Variants in CLSTN3 observed in about 807,000 individuals in gnomAD.
CLSTN3 encodes the protein calsyntenin-3.
In CLSTN3, 36 loss-of-function variants were observed where a neutral mutation model predicts 95.9. That is an observed-to-expected ratio of 0.38 (90% CI 0.29 to 0.50). CLSTN3 has a LOEUF of 0.50. Among genes scored for constraint, CLSTN3 ranks in the 20% least tolerant of loss-of-function variants. The pLI, the probability that CLSTN3 is intolerant of heterozygous loss-of-function variation, is 0.95. For synonymous variants in CLSTN3, 481 were observed against 504.0 expected, an observed-to-expected ratio of 0.95 and a Z score of 0.61; for missense variants, 1,084 against 1,268.8, an observed-to-expected ratio of 0.85 and a Z score of 2.21.
At chr12:7,155,204 A>G (rs1939794262) in intron 16 of CLSTN3, among the ~76,000 whole-genome samples, 2 of 152,236 alleles carry the variant, frequency 1.3e-5, no homozygotes, top group African/African-American at 4.8e-5. Context: ...TCATGTAGCA[A>G]GAAAAGCTGA....
intron 6 of CLSTN3, 152 bp downstream of exon 6, chr12:7,136,543 G>T: frequency 1.2e-6 from 1 of 855,290 alleles, no homozygotes; most frequent in Non-Finnish European, 1.8e-6. Context: ...GGCCCAAAAG[G>T]CAGGTACATA....
chr12:7,131,059 A>T, intron 1 of CLSTN3: 1 of 439,284 alleles, frequency 2.3e-6, no homozygotes, highest in South Asian at 2.2e-5. Flanking sequence ...CGAGCCGGTG[A>T]TAGGCCTCTC....
chr12:7,149,316 CT>C lies in CLSTN3; in HGVS notation c.2074+119del. 1.0e-6 allele frequency: 1 copy of C among 1,002,864 alleles called. No homozygotes were observed. The highest frequency in any genetic ancestry group is 1.5e-5 in the South Asian group (1 of 64,824). The allele number at this position is 1,002,864 out of a possible 1,614,324, so 62.1% of individuals were successfully genotyped here. On this transcript the variant is annotated intron_variant, in intron 13 of 17. Coordinates refer to ENST00000266546, the MANE Select transcript of CLSTN3 (RefSeq NM_014718.4). This position sits in a 1 kb window ranked among gnomAD's most constrained non-coding sequence, Gnocchi z 4.5. Reference sequence around the variant, plus strand: ...GCGACTCCATCCTGTGTTTGTTTGACTGAACAACTTACCTTTAAGAAGGAGA... The same window carrying C: ...GCGACTCCATCCTGTGTTTGTTTGACGAACAACTTACCTTTAAGAAGGAGA...
chr12:7,150,973 G>A lies in CLSTN3; in HGVS notation c.2437G>A (p.Val813Met), dbSNP rs141912411. ...GAACCGGGTTGCCCACCCCAGCCAC[G>A]TGCTCAGCTCCCAGCAGTTCCTGCA... Reference protein sequence around the residue: ...SMNRVAHPSHVLSSQQFLHRG... With the variant: ...SMNRVAHPSHMLSSQQFLHRG... The change falls in exon 16 of 18, where the codon GTG (valine) becomes ATG (methionine). Residue 813 changes from valine (V) to methionine (M), a missense_variant. Physicochemically the swap from Val to Met is conservative, Grantham distance 21 (BLOSUM62 1). Coordinates refer to ENST00000266546, the MANE Select transcript of CLSTN3 (RefSeq NM_014718.4). This position sits in a 1 kb window ranked among gnomAD's most constrained non-coding sequence, Gnocchi z 4.0. 39 of 1,613,084 alleles carry A rather than the reference G, an allele frequency of 2.4e-5. No individual in the cohort carries two copies. The highest frequency in any genetic ancestry group is 2.9e-5 in the Non-Finnish European group (34 of 1,179,458).
chr12:7,145,112 G>A (rs150522675), intron 12 of CLSTN3, among the ~76,000 whole-genome samples: 38 of 152,282 alleles, frequency 2.5e-4, no homozygotes, highest in African/African-American at 8.4e-4. Flanking sequence ...GAGTTCCTGC[G>A]GGGGGAGGAG....
chr12:7,150,960 C>T lies in CLSTN3; in HGVS notation c.2424C>T (p.Ala808=). 1 of 1,611,130 alleles carries T rather than the reference C, an allele frequency of 6.2e-7. No homozygotes were observed. Among genetic ancestry groups the T allele is most frequent in the Non-Finnish European group, 8.5e-7 (1 of 1,178,160 alleles). The change falls in exon 16 of 18, where the codon GCC becomes GCT. Residue 808 remains alanine (A), a synonymous_variant. Coordinates refer to ENST00000266546, the MANE Select transcript of CLSTN3 (RefSeq NM_014718.4). This position sits in a 1 kb window ranked among gnomAD's most constrained non-coding sequence, Gnocchi z 4.0. ...VNVLHSMNRV[A]HPSHVLSSQQ... ...TCCTGCACAGCATGAACCGGGTTGC[C>T]CACCCCAGCCACGTGCTCAGCTCCC...
At position 7,130,574 on chromosome 12, in the gene CLSTN3, C is replaced by T. The variant is rs1939276727; in HGVS notation, c.-75C>T. The T allele has an allele frequency of 6.5e-7, 1 of 1,549,076 alleles. No individual in the cohort carries two copies. The highest frequency in any genetic ancestry group is 2.0e-5 in the Admixed American group (1 of 50,994). ...CCTTGGAGACCCCCTGTATCCCTCC[C>T]GCAAGGTGGAATCCGCAGGCTGGAG... On this transcript the variant is annotated 5_prime_UTR_variant, in exon 1 of 18. Transcript: ENST00000266546.
At chr12:7,140,733 A>G (rs1207453050) in intron 8 of CLSTN3, among the ~76,000 whole-genome samples, 1 of 152,202 alleles carries the variant, frequency 6.6e-6, no homozygotes, top group Non-Finnish European at 1.5e-5. Context: ...ACATAGTGAT[A>G]GCTCATCTCT....
At position 7,130,470 on chromosome 12, in the gene CLSTN3, T is replaced by C; in HGVS notation, c.-179T>C. The C allele has an allele frequency of 2.7e-6, 4 of 1,492,248 alleles. No individual in the cohort carries two copies. The highest frequency in any genetic ancestry group is 1.4e-5 in the African/African-American group (1 of 71,902). 92.4% of individuals were successfully genotyped at this position (1,492,248 alleles called of 1,614,324 possible). ...AAGTCCACCGCCTCAGCTACCCAGATTGGGATCTGCCCAGGCCCGCTTTAT... is the reference window on the plus strand; with the variant it reads ...AAGTCCACCGCCTCAGCTACCCAGACTGGGATCTGCCCAGGCCCGCTTTAT... On this transcript the variant is annotated 5_prime_UTR_variant, in exon 1 of 18. Transcript: ENST00000266546.
In CLSTN3 at chr12:7,136,835, C is replaced by T. The variant is rs753077527; in HGVS notation, c.935C>T (p.Ala312Val). 8 of 1,613,670 alleles carry T rather than the reference C, an allele frequency of 5.0e-6. No individual in the cohort carries two copies. The highest frequency in any genetic ancestry group is 1.3e-5 in the African/African-American group (1 of 74,938). ...ERALRKLCGAATGEVDLLPMP... is the reference protein window; with the variant it reads ...ERALRKLCGAVTGEVDLLPMP... ...CCTCCTGGGGCTCCCACAGGTGCTG[C>T]CACTGGGGAGGTGGATCTGTTGCCC... The change falls in exon 7 of 18, where the codon GCC becomes GTC. Residue 312 changes from alanine (A) to valine (V), a missense_variant. Ala to Val is a moderately conservative substitution (Grantham distance 64, BLOSUM62 0). Transcript: ENST00000266546.
intron 16 of CLSTN3, chr12:7,156,716 G>A (rs760249325): frequency 2.2e-6 from 1 of 456,838 alleles, no homozygotes; most frequent in Non-Finnish European, 4.4e-6. Context: ...CCGTGTGAGA[G>A]TGAACGCACC....
At position 7,150,937 on chromosome 12, in the gene CLSTN3, C is replaced by T. The variant is rs1364879423; in HGVS notation, c.2401C>T (p.Leu801=). The part of the protein sequence containing the change: ...SNEFIVEVNV[L]HSMNRVAHPS... ...CCCTCCCTCTGCCCAGGTCAATGTC[C>T]TGCACAGCATGAACCGGGTTGCCCA... The change falls in exon 16 of 18, where the codon CTG becomes TTG. Residue 801 remains leucine (L), a synonymous_variant. Transcript: ENST00000266546. This position sits in a 1 kb window ranked among gnomAD's most constrained non-coding sequence, Gnocchi z 4.0. The T allele has an allele frequency of 1.9e-6, 3 of 1,605,400 alleles. No individual in the cohort carries two copies. The highest frequency in any genetic ancestry group is 2.6e-6 in the Non-Finnish European group (3 of 1,174,916).
chr12:7,129,353 C>T (rs1184737939), upstream of CLSTN3: 1 of 169,952 alleles, frequency 5.9e-6, no homozygotes, highest in Non-Finnish European at 1.3e-5. This position sits in a 1 kb window ranked among gnomAD's most constrained non-coding sequence, Gnocchi z 5.5. Context: ...TGAAGAGCAC[C>T]CTGTAGGCCT....
chr12:7,151,626 G>A (rs964568725), intron 16 of CLSTN3, among the ~76,000 whole-genome samples: 2 of 151,104 alleles, frequency 1.3e-5, no homozygotes, highest in African/African-American at 4.9e-5. Context: ...GCCCTTCAAA[G>A]CTGCCCTTCA....
At chr12:7,155,402 G>C (rs57372737) in intron 16 of CLSTN3, among the ~76,000 whole-genome samples, 1 of 152,258 alleles carries the variant, frequency 6.6e-6, no homozygotes, top group East Asian at 1.9e-4. Flanking sequence ...CCTTCATTAG[G>C]CCAGGAGCTC....
rs1939336974 is a variant in CLSTN3 at position 7,133,084 on chromosome 12, A to G, written c.125A>G (p.Asn42Ser). 3 of 1,614,116 alleles carry G rather than the reference A, an allele frequency of 1.9e-6. No homozygotes were observed. The East Asian group carries it at 6.7e-5, about 36-fold the overall frequency. ...EYQGIVMEND[N>S]TVLLNPPLFA... ...CAGGGCATCGTCATGGAGAATGACA[A>G]CACGGTCCTACTGAATCCACCACTC... Residue 42 changes from asparagine (N) to serine (S), a missense_variant, in exon 2 of 18, where the codon AAC becomes AGC. Coordinates refer to ENST00000266546, the MANE Select transcript of CLSTN3 (RefSeq NM_014718.4). The surrounding 1 kb of genome is among the most constrained non-coding windows in gnomAD (Gnocchi z 4.7).
In CLSTN3 at chr12:7,149,320, A is replaced by G; in HGVS notation, c.2074+122A>G. 1.0e-6 allele frequency: 1 copy of G among 982,514 alleles called. No homozygotes were observed. Among genetic ancestry groups the G allele is most frequent in the East Asian group, 2.6e-5 (1 of 38,132 alleles). 60.9% of individuals were successfully genotyped at this position (982,514 alleles called of 1,614,324 possible). On this transcript the variant is annotated intron_variant, in intron 13 of 17. Coordinates refer to ENST00000266546, the MANE Select transcript of CLSTN3 (RefSeq NM_014718.4). The surrounding 1 kb of genome is among the most constrained non-coding windows in gnomAD (Gnocchi z 4.5). ...CTCCATCCTGTGTTTGTTTGACTGA[A>G]CAACTTACCTTTAAGAAGGAGAGCA...
In CLSTN3 at chr12:7,137,118, TC is replaced by T. The variant is rs1939441648; in HGVS notation, c.1210+12del. The T allele has an allele frequency of 2.5e-6, 4 of 1,594,960 alleles. No individual in the cohort carries two copies. Among genetic ancestry groups the T allele is most frequent in the Non-Finnish European group, 3.4e-6 (4 of 1,169,134 alleles). On this transcript the variant is annotated intron_variant, in intron 7 of 17. Transcript: ENST00000266546. This position sits in a 1 kb window ranked among gnomAD's most constrained non-coding sequence, Gnocchi z 4.4. ...GTAACACTGTCCAGAATGGTGAGCC[TC>T]CCCTCCAGGCACTAGCCAGAGGGGG...
At position 7,139,898 on chromosome 12, in the gene CLSTN3, C is replaced by T. The variant is rs781751189; in HGVS notation, c.1324-1344C>T. Among the ~76,000 whole-genome samples, 6 of 152,282 alleles carry T rather than the reference C, an allele frequency of 3.9e-5. No homozygotes were observed. The South Asian group carries it at 1.2e-3, about 32-fold the overall frequency. ...TCTTGACGTGATCCACCCACCTTGG[C>T]CTCCTAAAGAGCTAGGATTACAGGC... On this transcript the variant is annotated intron_variant, in intron 8 of 17. Transcript: ENST00000266546.
Sources: gnomAD v4.1 joint callset for allele counts (sites outside exome capture counted in the v4.1 genomes callset) on GRCh38, gnomAD v4.1.1 for gene constraint, Gnocchi (gnomAD v3.1) non-coding constraint, MANE v1.5 for transcripts, NCBI Gene and HGNC (gene_info 2026-07-23, HGNC 2026-07-21) for gene names.